Variants in ODAD3 observed in about 807,000 individuals in gnomAD.
The protein encoded by ODAD3 is outer dynein arm docking complex subunit 3.
In ODAD3, 57 loss-of-function variants were observed where a neutral mutation model predicts 70.9. That is an observed-to-expected ratio of 0.80 (90% confidence interval 0.65 to 1.00). The LOEUF is 1.00. Among genes scored for constraint, ODAD3 ranks in the 50% least tolerant of loss-of-function variants. ODAD3 has a pLI of 0.00. For synonymous variants in ODAD3, 327 were observed against 315.9 expected, an observed-to-expected ratio of 1.04 and a Z score of -0.37; for missense variants, 797 against 763.9, an observed-to-expected ratio of 1.04 and a Z score of -0.51.
In ODAD3 at chr19:11,422,380, G is replaced by A. The variant is rs1969158432; in HGVS notation, c.1434+91C>T. 2.1e-6 allele frequency: 3 copies of A among 1,420,208 alleles called. No individual in the cohort carries two copies. Among genetic ancestry groups the A allele is most frequent in the Admixed American group, 2.7e-5 (1 of 37,152 alleles). 88.0% of individuals were successfully genotyped at this position (1,420,208 alleles called of 1,614,324 possible). On this transcript the variant is annotated intron_variant, in intron 10 of 12. Coordinates refer to ENST00000356392, the MANE Select transcript of ODAD3 (RefSeq NM_145045.5). The surrounding 1 kb of genome is among the most constrained non-coding windows in gnomAD (Gnocchi z 4.6). ...AGGATGTGGCAGGCCACGTTCCCTCGGGCAAGCTGGTGTGGCAGGAACCCC... is the reference window on the plus strand; with the variant it reads ...AGGATGTGGCAGGCCACGTTCCCTCAGGCAAGCTGGTGTGGCAGGAACCCC...
chr19:11,422,792 C>G lies in ODAD3; in HGVS notation c.1186G>C (p.Glu396Gln), dbSNP rs775961256. Reference protein sequence around the residue: ...AQLETLKSENEQTLVRLKQEK... With the variant: ...AQLETLKSENQQTLVRLKQEK... ...TGCTTCAGCCTCACCAACGTCTGCT[C>G]GTTCTCGCTCTTGAGCGTCTCCAAC... The change falls in exon 9 of 13, where the codon GAG (glutamate) becomes CAG (glutamine). Residue 396 changes from glutamate (E) to glutamine (Q), a missense_variant. Coordinates refer to ENST00000356392, the MANE Select transcript of ODAD3 (RefSeq NM_145045.5). This position sits in a 1 kb window ranked among gnomAD's most constrained non-coding sequence, Gnocchi z 4.6. The G allele has an allele frequency of 5.0e-6, 8 of 1,610,698 alleles. No homozygotes were observed. The highest frequency in any genetic ancestry group is 6.8e-6 in the Non-Finnish European group (8 of 1,179,918).
intron 1 of ODAD3, among the ~76,000 whole-genome samples, chr19:11,434,238 A>G (rs34086): frequency 0.09 from 13,362 of 148,112 alleles, 962 homozygotes; most frequent in East Asian, 0.14. Flanking sequence ...AAACAAAAAA[A>G]AACGCGGGTG....
intron 7 of ODAD3, among the ~76,000 whole-genome samples, chr19:11,425,076 T>C (rs1390722171): frequency 7.4e-6 from 1 of 135,864 alleles, no homozygotes; most frequent in Non-Finnish European, 1.5e-5. Context: ...TATATGTATA[T>C]GTGTATATGT....
chr19:11,424,964 T>TATATGTAC lies in ODAD3; in HGVS notation c.964-936_964-935insGTACATAT, dbSNP rs1969249017. ...ATATATGTGTATATGTACATATGTG[T>TATATGTAC]ATATATGTATATATGTGTATATGTA... On this transcript the variant is annotated intron_variant, in intron 7 of 12. Transcript: ENST00000356392. Among the ~76,000 whole-genome samples the TATATGTAC allele has an allele frequency of 1.2e-4, 15 of 120,396 alleles. 1 individual carries two copies. The highest frequency in any genetic ancestry group is 5.5e-4 in the African/African-American group (15 of 27,056). 79.0% of individuals were successfully genotyped at this position (120,396 alleles called of 152,430 possible). A position where few individuals can be genotyped will look rare whatever the true frequency, so the allele number is the denominator to read the frequency against.
intron 10 of ODAD3, 82 bp from the exon 11 acceptor site, chr19:11,421,914 G>A: frequency 1.3e-6 from 2 of 1,493,658 alleles, no homozygotes; most frequent in Non-Finnish European, 1.8e-6. Flanking sequence ...CTTTTCTTTC[G>A]GGGGCGGGGC....
At chr19:11,431,444 G>A (rs183580570) in intron 1 of ODAD3, among the ~76,000 whole-genome samples, 9 of 151,912 alleles carry the variant, frequency 5.9e-5, no homozygotes, top group Non-Finnish European at 1.0e-4. Flanking sequence ...TGCAGTCGTT[G>A]ACCAGCCTGG....
intron 10 of ODAD3, 150 bp from the exon 11 acceptor site, chr19:11,421,982 G>A: frequency 1.3e-6 from 1 of 773,346 alleles, no homozygotes; most frequent in Non-Finnish European, 2.0e-6. Context: ...CGGGGACTTA[G>A]GTCAAGGCCA....
At chr19:11,426,115 C>G in intron 7 of ODAD3, 29 bp downstream of exon 7, 1 of 1,595,820 alleles carries the variant, frequency 6.3e-7, no homozygotes, top group South Asian at 1.1e-5. Flanking sequence ...GGGCTGGAGT[C>G]ACAGGCGCGC....
rs745695616 is a variant in ODAD3, at chr19:11,422,662, G to C, written c.1278-35C>G. 2 of 1,605,878 alleles carry C rather than the reference G, an allele frequency of 1.2e-6. No homozygotes were observed. Among genetic ancestry groups the C allele is most frequent in the South Asian group, 2.2e-5 (2 of 90,730 alleles). ...GCCGGGAGGTCACCCCGGGGGCTCA[G>C]CCCGCCCCGCCGCCCTCCCCAGAGC... On this transcript the variant is annotated intron_variant, in intron 9 of 12. Transcript: ENST00000356392. The surrounding 1 kb of genome is among the most constrained non-coding windows in gnomAD (Gnocchi z 4.6).
At chr19:11,427,188 T>C in intron 3 of ODAD3, 148 bp from the exon 4 acceptor site, 1 of 853,744 alleles carries the variant, frequency 1.2e-6, no homozygotes, top group Non-Finnish European at 1.7e-6. Context: ...CCCTTCTGTG[T>C]TGTTTTTGTA....
intron 7 of ODAD3, among the ~76,000 whole-genome samples, chr19:11,424,340 C>CA (rs1969212867): frequency 6.6e-6 from 1 of 151,668 alleles, no homozygotes; most frequent in Admixed American, 6.6e-5. Context: ...CCCGTCTCTA[C>CA]AAAAAACACC....
At chr19:11,435,275 C>G (rs958580548), upstream of ODAD3, 28 of 1,215,658 alleles carry the variant, frequency 2.3e-5, no homozygotes, top group African/African-American at 4.0e-4. Flanking sequence ...GCGGTCCCAA[C>G]AGTGGGCGGG....
intron 8 of ODAD3, among the ~76,000 whole-genome samples, chr19:11,423,077 C>T (rs1254937956): frequency 6.6e-6 from 1 of 152,212 alleles, no homozygotes; most frequent in East Asian, 1.9e-4. Context: ...CCTTTCTGGC[C>T]TATATAAGGA....
At chr19:11,423,298 G>C (rs920675839) in intron 8 of ODAD3, among the ~76,000 whole-genome samples, 2 of 152,198 alleles carry the variant, frequency 1.3e-5, no homozygotes, top group African/African-American at 4.8e-5. Context: ...CCTATAGGTG[G>C]GAGTCCCGGA....
intron 7 of ODAD3, among the ~76,000 whole-genome samples, chr19:11,424,993 ATG>A (rs1199202730): frequency 1.5e-5 from 2 of 131,486 alleles, no homozygotes; most frequent in Non-Finnish European, 3.1e-5. Context: ...ATATGTACAT[ATG>A]TGTATATGTA....
At chr19:11,425,026 T>G (rs971180030) in intron 7 of ODAD3, among the ~76,000 whole-genome samples, 1 of 135,290 alleles carries the variant, frequency 7.4e-6, no homozygotes, top group Non-Finnish European at 1.5e-5. Flanking sequence ...TATATACATA[T>G]GTGCATATAT....
Position 11,434,768 on chromosome 19 carries a change from CT to C in ODAD3, c.244+4del. ...GACCCTCTGTACCCTCTGGAGCCATCTTACCTAACAGTTGTATCTTTTTATG... is the reference window on the plus strand; with the variant it reads ...GACCCTCTGTACCCTCTGGAGCCATCTACCTAACAGTTGTATCTTTTTATG... On this transcript the variant is annotated splice_donor_region_variant and intron_variant, in intron 1 of 12. Coordinates refer to ENST00000356392, the MANE Select transcript of ODAD3 (RefSeq NM_145045.5). 6.2e-7 allele frequency: 1 copy of C among 1,607,892 alleles called. No homozygotes were observed. The highest frequency in any genetic ancestry group is 8.5e-7 in the Non-Finnish European group (1 of 1,175,454).
rs1265353396 is a variant in ODAD3, at chr19:11,425,459, G to GTATATACACATA, written c.963+684_963+685insTATGTGTATATA. On this transcript the variant is annotated intron_variant, in intron 7 of 12. Coordinates refer to ENST00000356392, the MANE Select transcript of ODAD3 (RefSeq NM_145045.5). ...TGTATATGTATATATACATATATGT[G>GTATATACACATA]TGTGTATATATGTATATATGTGTGT... Among the ~76,000 whole-genome samples the GTATATACACATA allele has an allele frequency of 3.5e-3, 486 of 137,984 alleles. 7 individuals are homozygous for GTATATACACATA. Among genetic ancestry groups the GTATATACACATA allele is most frequent in the Middle Eastern group, 0.018 (4 of 224 alleles). 90.5% of individuals were successfully genotyped at this position (137,984 alleles called of 152,430 possible). A position where few individuals can be genotyped will look rare whatever the true frequency, so the allele number is the denominator to read the frequency against.
In ODAD3 at chr19:11,425,343, GTA is replaced by G. The variant is rs1322161362; in HGVS notation, c.963+799_963+800del. Among the ~76,000 whole-genome samples the G allele has an allele frequency of 4.0e-4, 51 of 128,546 alleles. 1 individual carries two copies. Among genetic ancestry groups the G allele is most frequent in the Non-Finnish European group, 5.7e-4 (36 of 62,796 alleles). The allele number at this position is 128,546 out of a possible 152,430, so 84.3% of individuals were successfully genotyped here. On this transcript the variant is annotated intron_variant, in intron 7 of 12. Coordinates refer to ENST00000356392, the MANE Select transcript of ODAD3 (RefSeq NM_145045.5). The stretch of plus-strand genomic sequence containing the variant: ...TGTATATGTACATATGTGTATATAT[GTA>G]TATATGTGTATATGTACATATGTGT...
Sources: gnomAD v4.1 joint callset for allele counts (sites outside exome capture counted in the v4.1 genomes callset) on GRCh38, gnomAD v4.1.1 for gene constraint, Gnocchi (gnomAD v3.1) non-coding constraint, MANE v1.5 for transcripts, NCBI Gene and HGNC (gene_info 2026-07-23, HGNC 2026-07-21) for gene names.